Variants in ADSS1 observed in about 807,000 individuals in gnomAD.
ADSS1 encodes adenylosuccinate synthetase isozyme 1.
Under a neutral mutation model 59.1 loss-of-function variants are expected in ADSS1, and 57 were observed. The ratio of observed to expected loss-of-function variants is 0.97; its 90% confidence interval spans 0.78 to 1.20. ADSS1 has a LOEUF of 1.20. Ranked by LOEUF, ADSS1 falls within the 50% of genes most tolerant of loss-of-function variation. The pLI, the probability that ADSS1 is intolerant of heterozygous loss-of-function variation, is 0.00. For missense variants in ADSS1, 603 were observed against 610.3 expected (o/e 0.99, Z 0.13); for synonymous variants, 247 against 249.4 (o/e 0.99, Z 0.09).
Position 104,730,104 on chromosome 14 carries a change from C to T in ADSS1, c.193-4916C>T, listed in dbSNP as rs1408686711. On this transcript the variant is annotated intron_variant, in intron 1 of 12. Coordinates refer to ENST00000330877, the MANE Select transcript of ADSS1 (RefSeq NM_152328.5). ...GCCTGTGGAGGCCCAACTAGGGTGA[C>T]GCTGGGAGAGGAGAGGGCTTGGAGG... 1.9e-6 allele frequency: 3 copies of T among 1,550,628 alleles called. No individual in the cohort carries two copies. Among genetic ancestry groups the T allele is most frequent in the Non-Finnish European group, 1.7e-6 (2 of 1,146,948 alleles).
chr14:104,734,535 C>A (rs144819811), intron 1 of ADSS1, among the ~76,000 whole-genome samples: 303 of 152,380 alleles, frequency 2.0e-3, no homozygotes, highest in African/African-American at 6.8e-3. Context: ...GAGCCTGTGG[C>A]TGGGTGTTTC....
chr14:104,729,801 A>C, intron 1 of ADSS1: 1 of 392,592 alleles, frequency 2.5e-6, no homozygotes, highest in South Asian at 3.3e-5. Context: ...CGTGGGGAGG[A>C]GCGTGGCGTC....
chr14:104,732,035 G>T (rs990952839), intron 1 of ADSS1, among the ~76,000 whole-genome samples: 3 of 152,220 alleles, frequency 2.0e-5, no homozygotes, highest in African/African-American at 7.2e-5. Flanking sequence ...ACACCGTGCT[G>T]AGAGGCCTGG....
chr14:104,744,842 C>T lies in ADSS1; in HGVS notation c.1104C>T (p.Asp368=), dbSNP rs776193966. ...CCCTGACGAAGCTGGACATCCTGGA[C>T]GTACTGGGTGAGGTTAAAGTCGGTG... ...ALALTKLDIL[D]VLGEVKVGVS... Residue 368 remains aspartate (D), a synonymous_variant, in exon 11 of 13, where the codon GAC becomes GAT. Transcript: ENST00000330877. The T allele has an allele frequency of 1.4e-5, 22 of 1,614,080 alleles. No homozygotes were observed. The highest frequency in any genetic ancestry group is 8.8e-5 in the South Asian group (8 of 91,088).
At chr14:104,739,871 G>T in intron 5 of ADSS1, 55 bp downstream of exon 5, 1 of 1,587,342 alleles carries the variant, frequency 6.3e-7, no homozygotes, top group Non-Finnish European at 8.6e-7. Context: ...CCGTAAGCCG[G>T]TAGACTGTGG....
chr14:104,734,848 A>G (rs994848018), intron 1 of ADSS1, among the ~76,000 whole-genome samples, 172 bp from the exon 2 acceptor site: 1 of 152,180 alleles, frequency 6.6e-6, no homozygotes, highest in African/African-American at 2.4e-5. Context: ...AAGGTGCAGG[A>G]TGCCCACATC....
chr14:104,730,604 A>G (rs952439839), intron 1 of ADSS1, among the ~76,000 whole-genome samples: 2 of 152,184 alleles, frequency 1.3e-5, no homozygotes, highest in African/African-American at 4.8e-5. Flanking sequence ...ATTTACTTAT[A>G]AATATATGTA....
At chr14:104,724,877 G>C (rs1890675126) in intron 1 of ADSS1, among the ~76,000 whole-genome samples, 1 of 152,124 alleles carries the variant, frequency 6.6e-6, no homozygotes, top group African/African-American at 2.4e-5. Context: ...GATCACCTGG[G>C]GCCTGTCTGG....
chr14:104,736,451 C>T (rs928492627), intron 2 of ADSS1, among the ~76,000 whole-genome samples: 7 of 152,268 alleles, frequency 4.6e-5, no homozygotes, highest in African/African-American at 1.2e-4. Context: ...ACACCCTGAG[C>T]TTGCAACACT....
At chr14:104,724,720 A>G (rs1252250109) in intron 1 of ADSS1, among the ~76,000 whole-genome samples, 3 of 151,912 alleles carry the variant, frequency 2.0e-5, no homozygotes, top group African/African-American at 7.3e-5. Flanking sequence ...ACAGCTATAA[A>G]TACAAGTCGC....
chr14:104,731,653 G>C (rs538470657), intron 1 of ADSS1, among the ~76,000 whole-genome samples: 98 of 152,318 alleles, frequency 6.4e-4, no homozygotes, highest in African/African-American at 2.3e-3. Flanking sequence ...CCGGCTGGAC[G>C]TGGGGACCCT....
Position 104,725,762 on chromosome 14 carries a change from G to A in ADSS1, c.192+1300G>A, listed in dbSNP as rs1047018425. Among the ~76,000 whole-genome samples the A allele has an allele frequency of 5.3e-5, 8 of 152,170 alleles. No homozygotes were observed. In the East Asian group the frequency reaches 5.8e-4, roughly 11 times the overall value. On this transcript the variant is annotated intron_variant, in intron 1 of 12. Transcript: ENST00000330877. ...GCGCTCTACTGCTCTTCACCCTCCA[G>A]GGCGCCCTCAGCGTGGGGCAGCCCC... is the stretch of plus-strand genomic sequence containing the variant.
chr14:104,734,527 G>T (rs1891046518), intron 1 of ADSS1, among the ~76,000 whole-genome samples: 1 of 152,270 alleles, frequency 6.6e-6, no homozygotes, highest in Non-Finnish European at 1.5e-5. Context: ...AGAGAGGGGA[G>T]CCTGTGGCTG....
At chr14:104,725,416 A>T (rs534829055) in intron 1 of ADSS1, among the ~76,000 whole-genome samples, 3 of 152,236 alleles carry the variant, frequency 2.0e-5, no homozygotes, top group African/African-American at 7.2e-5. Context: ...GGGCCCCCGC[A>T]CCGTCCCTTC....
intron 9 of ADSS1, among the ~76,000 whole-genome samples, chr14:104,742,258 G>A (rs141921975): frequency 0.01 from 1,538 of 152,382 alleles, 13 homozygotes; most frequent in Middle Eastern, 0.054. Flanking sequence ...ACGTGACCTC[G>A]TTCCCCTCGG....
At chr14:104,730,223 G>A in intron 1 of ADSS1, 2 of 1,492,884 alleles carry the variant, frequency 1.3e-6, no homozygotes, top group Non-Finnish European at 1.8e-6. Context: ...GGTGGGTGCG[G>A]TGGCGTACAT....
intron 9 of ADSS1, 86 bp downstream of exon 9, chr14:104,742,088 G>GC: frequency 6.5e-7 from 1 of 1,536,216 alleles, no homozygotes. Flanking sequence ...TGCCAGGGTG[G>GC]AGGCTCTGCG....
Position 104,735,070 on chromosome 14 carries a change from C to G in ADSS1, c.243C>G (p.Asp81Glu). 2.5e-6 allele frequency: 4 copies of G among 1,613,594 alleles called. No homozygotes were observed. Among genetic ancestry groups the G allele is most frequent in the African/African-American group, 1.3e-5 (1 of 75,052 alleles). ...HTVVVDGKEY[D>E]FHLLPSGIIN... ...TGGTGGTGGATGGGAAAGAGTACGACTTCCACCTGCTGCCCAGCGGCATCA... is the reference window on the plus strand; with the variant it reads ...TGGTGGTGGATGGGAAAGAGTACGAGTTCCACCTGCTGCCCAGCGGCATCA... The change falls in exon 2 of 13, where the codon GAC becomes GAG. Residue 81 changes from aspartate to glutamate, a missense_variant. By Grantham distance (45) the Asp-to-Glu change is conservative (BLOSUM62 2). Transcript: ENST00000330877.
intron 1 of ADSS1, among the ~76,000 whole-genome samples, chr14:104,734,130 G>A (rs1390223812): frequency 6.6e-6 from 1 of 152,244 alleles, no homozygotes; most frequent in Non-Finnish European, 1.5e-5. Context: ...CCTCAGCTGT[G>A]AAGCGGGGCC....
Sources: allele counts gnomAD v4.1 joint callset (sites outside exome capture counted in the v4.1 genomes callset), GRCh38; gene constraint gnomAD v4.1.1; transcripts MANE v1.5; gene names NCBI Gene and HGNC (gene_info 2026-07-23, HGNC 2026-07-21).